The following ASIC2 variants were observed in gnomAD, a reference collection of about 807,000 sequenced individuals.
ASIC2 encodes acid-sensing ion channel 2.
Under a neutral mutation model 57.3 loss-of-function variants are expected in ASIC2, and 25 were observed. The observed-to-expected ratio is 0.44, with a 90% CI of 0.32 to 0.61. ASIC2 has a LOEUF of 0.61. ASIC2 is among the 20% of genes least tolerant of loss of function. The probability of loss-of-function intolerance (pLI) is 0.06; values close to 1 mark genes in which losing one functional copy is unlikely to be tolerated. For missense variants in ASIC2, 641 were observed against 738.1 expected, an observed-to-expected ratio of 0.87 and a Z score of 1.52; for synonymous variants, 319 against 307.5, an observed-to-expected ratio of 1.04 and a Z score of -0.39.
chr17:33,745,169 C>T (rs934320355), intron 1 of ASIC2, among the ~76,000 whole-genome samples: 3 of 152,158 alleles, frequency 2.0e-5, no homozygotes, highest in African/African-American at 7.2e-5. Context: ...CTTTCCCCTC[C>T]CACCCCCAGT....
At chr17:33,481,603 A>C (rs1447683308) in intron 1 of ASIC2, among the ~76,000 whole-genome samples, 2 of 152,148 alleles carry the variant, frequency 1.3e-5, no homozygotes, top group African/African-American at 4.8e-5. Context: ...TGTTTGAGAA[A>C]TAGTCGTTGA....
intron 1 of ASIC2, among the ~76,000 whole-genome samples, chr17:34,075,224 G>C (rs1909590893): frequency 6.6e-6 from 1 of 152,194 alleles, no homozygotes; most frequent in African/African-American, 2.4e-5. Context: ...CCAGCTGATT[G>C]AAACTCAGGT....
chr17:33,224,795 G>A (rs980916013), intron 1 of ASIC2, among the ~76,000 whole-genome samples: 1 of 152,174 alleles, frequency 6.6e-6, no homozygotes, highest in Non-Finnish European at 1.5e-5. Context: ...AGTTATTAAT[G>A]GGGACTTCAG....
At chr17:33,708,014 A>G (rs887829144) in intron 1 of ASIC2, among the ~76,000 whole-genome samples, 1 of 152,166 alleles carries the variant, frequency 6.6e-6, no homozygotes, top group African/African-American at 2.4e-5. Context: ...TGTGCAGGGT[A>G]TTCTTGAGTT....
chr17:34,091,130 C>T (rs895607814), intron 1 of ASIC2, among the ~76,000 whole-genome samples: 5 of 152,142 alleles, frequency 3.3e-5, no homozygotes, highest in African/African-American at 1.2e-4. Flanking sequence ...AACTCCAGTC[C>T]CTGAAGATCA....
At chr17:33,605,979 C>T (rs749303507) in intron 1 of ASIC2, among the ~76,000 whole-genome samples, 5 of 152,244 alleles carry the variant, frequency 3.3e-5, no homozygotes, top group Non-Finnish European at 5.9e-5. Flanking sequence ...TACAATGACA[C>T]AGCCGTGAGA....
intron 1 of ASIC2, among the ~76,000 whole-genome samples, chr17:33,640,668 G>C (rs1239681684): frequency 6.6e-6 from 1 of 152,222 alleles, no homozygotes; most frequent in African/African-American, 2.4e-5. Context: ...AGCGTTCAGG[G>C]TTTACAGTAG....
chr17:34,096,808 G>A (rs1235144332), intron 1 of ASIC2, among the ~76,000 whole-genome samples: 3 of 118,830 alleles, frequency 2.5e-5, no homozygotes, highest in Non-Finnish European at 4.8e-5. Context: ...AGTGAGCCGA[G>A]ATCATGCCAC....
intron 1 of ASIC2, among the ~76,000 whole-genome samples, chr17:33,345,825 C>T (rs1268855345): frequency 1.3e-5 from 2 of 151,948 alleles, no homozygotes; most frequent in Non-Finnish European, 1.5e-5. Flanking sequence ...GCATGGAGAC[C>T]AGGAATGAAA....
chr17:33,714,388 G>C (rs1909145772), intron 1 of ASIC2, among the ~76,000 whole-genome samples: 1 of 152,174 alleles, frequency 6.6e-6, no homozygotes, highest in African/African-American at 2.4e-5. Context: ...TAACTAAATG[G>C]TGGTATGTTC....
At chr17:33,418,020 ATGTATGTATGTGTGTGTGTGTGTGTGTG>A (rs754599095) in intron 1 of ASIC2, among the ~76,000 whole-genome samples, 17 of 117,574 alleles carry the variant, frequency 1.4e-4, no homozygotes, top group African/African-American at 5.9e-4. Flanking sequence ...GGCTCTCAGC[ATGTATGTATGTGTGTGTGTGTGTGTGTG>A]TGTGTGTGTG....
At chr17:33,097,679 G>A (rs1358765832) in intron 2 of ASIC2, among the ~76,000 whole-genome samples, 1 of 152,232 alleles carries the variant, frequency 6.6e-6, no homozygotes, top group Non-Finnish European at 1.5e-5. Context: ...AAAGTTCCAA[G>A]CTGGACAGGG....
intron 3 of ASIC2, among the ~76,000 whole-genome samples, chr17:33,035,502 C>G (rs1201091205): frequency 6.6e-6 from 1 of 152,142 alleles, no homozygotes; most frequent in Non-Finnish European, 1.5e-5. Flanking sequence ...TAATGGTGAA[C>G]TACTTTGATT....
chr17:33,285,892 C>T lies in ASIC2; in HGVS notation c.708+5516G>A, dbSNP rs141290080. On this transcript the variant is annotated intron_variant, in intron 1 of 9. Transcript: ENST00000225823. ...TCTGGCACATCACAGCTGCCCAATG[C>T]TATTTGCCTTTGTCCTTCACTCAAA... 1.5e-3 allele frequency among the ~76,000 whole-genome samples: 231 copies of T among 152,296 alleles called. 1 individual carries two copies. The highest frequency in any genetic ancestry group is 5.4e-3 in the African/African-American group (225 of 41,566).
At position 33,893,480 on chromosome 17, in the gene ASIC2, T is replaced by C. The variant is rs544164396; in HGVS notation, c.555+262498A>G. Among the ~76,000 whole-genome samples the C allele has an allele frequency of 3.3e-5, 5 of 152,348 alleles. No individual in the cohort carries two copies. In the South Asian group the frequency reaches 1.0e-3, roughly 32 times the overall value. ...TATGGCAAATAGATTTAATATCTTA[T>C]GCAAATTCCAATTTATAGGAGGTAG... On this transcript the variant is annotated intron_variant, in intron 1 of 9. Coordinates refer to the ASIC2 transcript ENST00000359872.
intron 1 of ASIC2, among the ~76,000 whole-genome samples, chr17:33,912,744 C>T (rs1413314236): frequency 1.3e-5 from 2 of 151,868 alleles, no homozygotes; most frequent in Non-Finnish European, 1.5e-5. Flanking sequence ...CTTTGGGAGG[C>T]GGAGGTGGGC....
intron 3 of ASIC2, among the ~76,000 whole-genome samples, chr17:33,046,687 G>T (rs1229633903): frequency 1.3e-5 from 2 of 152,196 alleles, no homozygotes; most frequent in Non-Finnish European, 2.9e-5. Flanking sequence ...TCAGGGCTTA[G>T]CCCTGAATAA....
chr17:33,842,270 T>C (rs1345281721), intron 1 of ASIC2, among the ~76,000 whole-genome samples: 1 of 152,118 alleles, frequency 6.6e-6, no homozygotes, highest in African/African-American at 2.4e-5. Context: ...CCATGTTCCA[T>C]GGGATGGGAT....
intron 1 of ASIC2, among the ~76,000 whole-genome samples, chr17:33,972,194 A>G (rs1905244728): frequency 1.3e-5 from 2 of 152,254 alleles, no homozygotes; most frequent in African/African-American, 4.8e-5. Flanking sequence ...AACATGTCAC[A>G]TGATGTCTTA....
Sources: gnomAD v4.1 joint callset for allele counts (sites outside exome capture counted in the v4.1 genomes callset) on GRCh38, gnomAD v4.1.1 for gene constraint, MANE v1.5 for transcripts, NCBI Gene and HGNC (gene_info 2026-07-23, HGNC 2026-07-21) for gene names.